LEKR1: variants seen among roughly 807,000 people sequenced by gnomAD.
LEKR1 encodes protein LEKR1.
Under a neutral mutation model 72.4 loss-of-function variants are expected in LEKR1, and 59 were observed. That is an observed-to-expected ratio of 0.82 (90% CI 0.66 to 1.01). The LOEUF is 1.01. Ranked by LOEUF, LEKR1 falls within the 50% of genes least tolerant of loss-of-function variation. The pLI is 0.00. For synonymous variants in LEKR1, 257 were observed against 263.2 expected (o/e 0.98, Z 0.23); for missense variants, 728 against 759.2 (o/e 0.96, Z 0.48).
intron 3 of LEKR1, among the ~76,000 whole-genome samples, chr3:156,907,851 C>T (rs947977562): frequency 6.6e-6 from 1 of 151,004 alleles, no homozygotes; most frequent in Non-Finnish European, 1.5e-5. Flanking sequence ...TTTTTTTTTC[C>T]AGTCCAGTAT....
At chr3:156,867,944 C>A (rs941336057) in intron 3 of LEKR1, among the ~76,000 whole-genome samples, 1 of 151,990 alleles carries the variant, frequency 6.6e-6, no homozygotes, top group African/African-American at 2.4e-5. Context: ...TATTTATATA[C>A]CTACTGGAAG....
chr3:156,936,433 A>ACACACACACACACC (rs1451945189), intron 5 of LEKR1, among the ~76,000 whole-genome samples: 1 of 90,390 alleles, frequency 1.1e-5, no homozygotes, highest in African/African-American at 3.3e-5. Context: ...GAGAACACAC[A>ACACACACACACACC]CACACACACA....
At chr3:156,929,456 G>T (rs1285241175) in intron 5 of LEKR1, among the ~76,000 whole-genome samples, 3 of 152,054 alleles carry the variant, frequency 2.0e-5, no homozygotes, top group African/African-American at 4.8e-5. Context: ...TTGCTTAAAG[G>T]TGGGATTAAT....
At chr3:157,038,754 T>C (rs1248554750) in intron 12 of LEKR1, among the ~76,000 whole-genome samples, 1 of 152,190 alleles carries the variant, frequency 6.6e-6, no homozygotes, top group Non-Finnish European at 1.5e-5. Flanking sequence ...AGATATAAAA[T>C]TATTTTGAAT....
intron 5 of LEKR1, among the ~76,000 whole-genome samples, chr3:156,938,890 C>T (rs1415902965): frequency 1.3e-5 from 2 of 152,044 alleles, no homozygotes; most frequent in African/African-American, 4.8e-5. Context: ...CCTAAGCTCA[C>T]AGGACTAATA....
chr3:156,928,540 C>A (rs2108575901), intron 5 of LEKR1, among the ~76,000 whole-genome samples: 1 of 152,052 alleles, frequency 6.6e-6, no homozygotes, highest in Admixed American at 6.5e-5. Flanking sequence ...GGACTGAGAG[C>A]AAGGTACAGT....
intron 3 of LEKR1, among the ~76,000 whole-genome samples, chr3:156,889,604 C>T (rs1310675759): frequency 2.0e-5 from 3 of 152,076 alleles, no homozygotes; most frequent in Non-Finnish European, 4.4e-5. Flanking sequence ...CCTCTGTGAA[C>T]CCCTGGGTTT....
At chr3:156,939,505 C>A (rs1380793560) in intron 5 of LEKR1, among the ~76,000 whole-genome samples, 1 of 152,136 alleles carries the variant, frequency 6.6e-6, no homozygotes, top group Non-Finnish European at 1.5e-5. Flanking sequence ...ATATATTGCA[C>A]AATATTATTC....
Position 157,045,332 on chromosome 3 carries a change from CT to C in LEKR1, c.1669-4del. 2 of 1,600,532 alleles carry C rather than the reference CT, an allele frequency of 1.2e-6. No homozygotes were observed. The highest frequency in any genetic ancestry group is 1.7e-6 in the Non-Finnish European group (2 of 1,171,666). On this transcript the variant is annotated splice_polypyrimidine_tract_variant and splice_region_variant and intron_variant, in intron 12 of 12. Transcript: ENST00000356539. The stretch of plus-strand genomic sequence containing the variant: ...AAGTCTGCTTTCTTTTCCCCTCTCT[CT>C]TTTCAGAATACTTTTCTTCAGGAGA...
intron 3 of LEKR1, among the ~76,000 whole-genome samples, chr3:156,894,961 T>C (rs1482383201): frequency 2.0e-5 from 3 of 152,102 alleles, no homozygotes; most frequent in African/African-American, 7.2e-5. Flanking sequence ...GCAATACCGT[T>C]CAGGACATAG....
At chr3:156,917,880 A>G (rs1723798665) in intron 3 of LEKR1, among the ~76,000 whole-genome samples, 1 of 152,110 alleles carries the variant, frequency 6.6e-6, no homozygotes, top group South Asian at 2.1e-4. Context: ...TAGTCAAACC[A>G]GAGCATAAAC....
At chr3:156,945,492 C>T (rs189372441) in intron 6 of LEKR1, among the ~76,000 whole-genome samples, 11 of 151,534 alleles carry the variant, frequency 7.3e-5, no homozygotes, top group East Asian at 1.9e-4. Flanking sequence ...TGGCTGCCTG[C>T]GCTTGTGGGG....
chr3:156,909,335 A>G (rs994595559), intron 3 of LEKR1, among the ~76,000 whole-genome samples: 12 of 152,052 alleles, frequency 7.9e-5, no homozygotes, highest in South Asian at 4.1e-4. Context: ...TTTATTTTCT[A>G]TTTGGCCCAA....
intron 3 of LEKR1, among the ~76,000 whole-genome samples, chr3:156,874,256 A>C (rs1001119691): frequency 6.6e-6 from 1 of 151,724 alleles, no homozygotes; most frequent in Admixed American, 6.6e-5. Context: ...TTTGTATCTC[A>C]AATTGTTTTT....
intron 6 of LEKR1, among the ~76,000 whole-genome samples, chr3:156,952,854 C>T (rs1727287756): frequency 6.6e-6 from 1 of 151,292 alleles, no homozygotes; most frequent in South Asian, 2.1e-4. Context: ...AGTATTCAAA[C>T]AGTAGAGTCC....
rs116251270 is a variant in LEKR1 at position 156,951,049 on chromosome 3, T to C, written c.745+8335T>C. Among the ~76,000 whole-genome samples the C allele has an allele frequency of 2.9e-3, 433 of 151,880 alleles. 2 individuals carry two copies. Among genetic ancestry groups the C allele is most frequent in the African/African-American group, 1.0e-2 (414 of 41,494 alleles). ...TGAGGTCTATTCCTTCAATACTTAGTTTATTGAAAGTTTTTCACATAAAGG... is the reference window on the plus strand; with the variant it reads ...TGAGGTCTATTCCTTCAATACTTAGCTTATTGAAAGTTTTTCACATAAAGG... On this transcript the variant is annotated intron_variant, in intron 6 of 12. Coordinates refer to ENST00000356539, the MANE Select transcript of LEKR1 (RefSeq NM_001004316.3).
chr3:156,919,701 G>A (rs1311617211), intron 3 of LEKR1, among the ~76,000 whole-genome samples: 1 of 152,054 alleles, frequency 6.6e-6, no homozygotes, highest in Admixed American at 6.6e-5. Context: ...AAATCTTATT[G>A]TCTTTTTAAT....
chr3:157,017,948 C>CAAAAAAAAAAAAA (rs58950224), intron 10 of LEKR1, among the ~76,000 whole-genome samples: 42 of 82,960 alleles, frequency 5.1e-4, no homozygotes, highest in African/African-American at 2.1e-3. Context: ...GACTCTGTCT[C>CAAAAAAAAAAAAA]AAAAAAAAAA....
chr3:156,899,737 TATATACATGCATATATACACATATAC>T, intron 3 of LEKR1, among the ~76,000 whole-genome samples: 1 of 129,158 alleles, frequency 7.7e-6, no homozygotes, highest in Non-Finnish European at 1.7e-5. Context: ...TATATACACA[TATATACATGCATATATACACATATAC>T]ATGCATATAT....
Sources: gnomAD v4.1 joint callset for allele counts (sites outside exome capture counted in the v4.1 genomes callset) on GRCh38, gnomAD v4.1.1 for gene constraint, MANE v1.5 for transcripts, NCBI Gene and HGNC (gene_info 2026-07-23, HGNC 2026-07-21) for gene names.